Variants in RNLS observed in about 807,000 individuals in gnomAD.
The protein encoded by RNLS is renalase.
In RNLS, 39 loss-of-function variants were observed where a neutral mutation model predicts 39.8. The observed-to-expected ratio is 0.98, with a 90% CI of 0.76 to 1.28. RNLS has a LOEUF of 1.28. Among genes scored for constraint, RNLS ranks in the 50% most tolerant of loss-of-function variants. The pLI is 0.00. For missense variants in RNLS, 410 were observed against 413.3 expected (o/e 0.99, Z 0.07); for synonymous variants, 147 against 150.7 (o/e 0.98, Z 0.18).
intron 4 of RNLS, among the ~76,000 whole-genome samples, chr10:88,571,732 G>T (rs1849851437): frequency 6.6e-6 from 1 of 152,070 alleles, no homozygotes; most frequent in Non-Finnish European, 1.5e-5. Flanking sequence ...CTTAGTACAG[G>T]AATTTTAGCT....
At chr10:88,328,630 T>G (rs1399720965) in intron 5 of RNLS, among the ~76,000 whole-genome samples, 1 of 152,238 alleles carries the variant, frequency 6.6e-6, no homozygotes, top group Non-Finnish European at 1.5e-5. Flanking sequence ...CGAATACTGA[T>G]ATATTTAAGC....
chr10:88,295,950 C>T (rs1454398176), intron 6 of RNLS, among the ~76,000 whole-genome samples: 2 of 152,076 alleles, frequency 1.3e-5, no homozygotes. Context: ...ACGGTTTTCT[C>T]TAGAACTATT....
At chr10:88,458,843 C>A (rs1052404082) in intron 4 of RNLS, among the ~76,000 whole-genome samples, 2 of 152,002 alleles carry the variant, frequency 1.3e-5, no homozygotes, top group African/African-American at 2.4e-5. Flanking sequence ...TAGATGTGAA[C>A]CTCTAGCTAG....
the RNLS span, chr10:88,259,338 G>C: frequency 2.6e-5 from 4 of 152,176 alleles, no homozygotes; most frequent in African/African-American, 4.8e-5. Context: ...ATTTTAATTG[G>C]AGCCAGAGAC....
intron 4 of RNLS, among the ~76,000 whole-genome samples, chr10:88,495,291 T>A (rs1374492425): frequency 6.6e-6 from 1 of 152,148 alleles, no homozygotes; most frequent in East Asian, 1.9e-4. Context: ...TACACACAGA[T>A]GTTGATATGA....
chr10:88,574,470 A>G (rs552569405), intron 3 of RNLS, among the ~76,000 whole-genome samples: 1 of 152,308 alleles, frequency 6.6e-6, no homozygotes, highest in South Asian at 2.1e-4. Context: ...CACTGCCTTT[A>G]GTACTAATTT....
At chr10:88,468,608 A>T (rs921217299) in intron 4 of RNLS, among the ~76,000 whole-genome samples, 1 of 152,042 alleles carries the variant, frequency 6.6e-6, no homozygotes, top group African/African-American at 2.4e-5. Flanking sequence ...ATGCTTATAG[A>T]TTTGCTGTAA....
chr10:88,222,218 G>A, the RNLS span, among the ~76,000 whole-genome samples: 9 of 152,136 alleles, frequency 5.9e-5, 1 homozygote, highest in East Asian at 1.9e-4. Flanking sequence ...AGCTTGGCTC[G>A]TCCTAGGATT....
rs564904838 is a variant in RNLS, at chr10:88,547,524, T to C, written c.526+25379A>G. 3.3e-5 allele frequency among the ~76,000 whole-genome samples: 5 copies of C among 152,360 alleles called. No homozygotes were observed. In the East Asian group the frequency reaches 5.8e-4, roughly 18 times the overall value. ...CCAAAATGTCAGCATTTTGAAACTT[T>C]AGAGAAATTTTGGTTTTTCTAGTTA... On this transcript the variant is annotated intron_variant, in intron 4 of 6. Coordinates refer to ENST00000331772, the MANE Select transcript of RNLS (RefSeq NM_001031709.3).
chr10:88,212,558 A>T, the RNLS span, among the ~76,000 whole-genome samples: 1 of 152,338 alleles, frequency 6.6e-6, no homozygotes, highest in East Asian at 1.9e-4. Context: ...GTTATGCCGT[A>T]GGCACTATTC....
the RNLS span, among the ~76,000 whole-genome samples, chr10:88,240,214 G>A: frequency 6.6e-6 from 1 of 151,862 alleles, no homozygotes; most frequent in African/African-American, 2.4e-5. Context: ...TGTGATTCTG[G>A]CTATCCAAAA....
At chr10:88,564,991 A>G (rs1849413167) in intron 4 of RNLS, among the ~76,000 whole-genome samples, 1 of 152,172 alleles carries the variant, frequency 6.6e-6, no homozygotes, top group African/African-American at 2.4e-5. Flanking sequence ...TATGATTAGA[A>G]AGAGAGAGAA....
chr10:88,424,206 C>T (rs762179469), intron 4 of RNLS, among the ~76,000 whole-genome samples: 2 of 152,128 alleles, frequency 1.3e-5, no homozygotes, highest in Non-Finnish European at 2.9e-5. Flanking sequence ...ATAATAGTGC[C>T]TGGCACATAC....
At chr10:88,543,685 T>C (rs985208417) in intron 4 of RNLS, among the ~76,000 whole-genome samples, 5 of 152,098 alleles carry the variant, frequency 3.3e-5, no homozygotes, top group African/African-American at 1.2e-4. Flanking sequence ...CAAAATAAAA[T>C]CAACCATAAT....
chr10:88,362,115 T>C (rs1849687582), intron 5 of RNLS, among the ~76,000 whole-genome samples: 1 of 152,002 alleles, frequency 6.6e-6, no homozygotes, highest in Non-Finnish European at 1.5e-5. Context: ...AAATGAAGGA[T>C]TTTCATAACA....
chr10:88,425,500 T>G (rs1854693009), intron 4 of RNLS, among the ~76,000 whole-genome samples: 1 of 152,132 alleles, frequency 6.6e-6, no homozygotes, highest in South Asian at 2.1e-4. Flanking sequence ...ATTAATGTTT[T>G]CATTATGCTG....
At chr10:88,500,209 C>T (rs1845397709) in intron 4 of RNLS, among the ~76,000 whole-genome samples, 1 of 152,084 alleles carries the variant, frequency 6.6e-6, no homozygotes, top group African/African-American at 2.4e-5. Context: ...AAGTTAGTTC[C>T]TGGTGTAGTC....
chr10:88,182,365 A>T, the RNLS span, among the ~76,000 whole-genome samples: 3 of 152,290 alleles, frequency 2.0e-5, no homozygotes, highest in East Asian at 5.8e-4. Context: ...ATTAGGTTTC[A>T]GATAACATAT....
intron 5 of RNLS, among the ~76,000 whole-genome samples, chr10:88,329,323 G>A (rs1846902707): frequency 1.3e-5 from 2 of 152,084 alleles, no homozygotes; most frequent in African/African-American, 4.8e-5. Context: ...AAAGTGCTGG[G>A]ATGTAAGTGT....
Sources: allele counts gnomAD v4.1 joint callset (sites outside exome capture counted in the v4.1 genomes callset), GRCh38; gene constraint gnomAD v4.1.1; transcripts MANE v1.5; gene names NCBI Gene and HGNC (gene_info 2026-07-23, HGNC 2026-07-21).